DCAF6: variants seen among roughly 807,000 people sequenced by gnomAD.
DCAF6 encodes the protein DDB1 and CUL4 associated factor 6.
In DCAF6, 54 loss-of-function variants were observed where a neutral mutation model predicts 125.1. The ratio of observed to expected loss-of-function variants is 0.43; its 90% CI spans 0.35 to 0.54. The LOEUF is 0.54. DCAF6 is among the 20% of genes least tolerant of loss of function. The pLI is 0.01. For synonymous variants in DCAF6, 371 were observed against 390.4 expected (o/e 0.95, Z 0.58); for missense variants, 934 against 1,161.7 (o/e 0.80, Z 2.85).
chr1:168,026,785 T>C lies in DCAF6; in HGVS notation c.1609+3738T>C, dbSNP rs1323157877. On this transcript the variant is annotated intron_variant, in intron 12 of 21. Coordinates refer to ENST00000367840, the MANE Select transcript of DCAF6 (RefSeq NM_001198956.2). ...GAGATCTCATAGATGGTTGGATGGC[T>C]ATATGATGCTGGAAGTCACCAAAGT... Among the ~76,000 whole-genome samples the C allele has an allele frequency of 5.9e-5, 9 of 152,062 alleles. No homozygotes were observed. The South Asian group carries it at 1.7e-3, about 28-fold the overall frequency.
chr1:168,009,345 CCCTT>C (rs199573600), intron 10 of DCAF6, among the ~76,000 whole-genome samples: 48,423 of 127,096 alleles, frequency 0.38, 9,750 homozygotes, highest in East Asian at 0.53. Context: ...CTTCCTTCCT[CCCTT>C]CCTTCCTTCC....
rs191377675 is a variant in DCAF6, at chr1:167,938,738, A to G, written c.97+1730A>G. On this transcript the variant is annotated intron_variant, in intron 1 of 21. Transcript: ENST00000367840. Reference sequence around the variant, plus strand: ...TCAGTTGGACAGTTTAAGTACTTGTATATAGTTCTATATTTTAGTGTTTTC... The same window carrying G: ...TCAGTTGGACAGTTTAAGTACTTGTGTATAGTTCTATATTTTAGTGTTTTC... Among the ~76,000 whole-genome samples the G allele has an allele frequency of 2.0e-5, 3 of 152,340 alleles. No homozygotes were observed. The East Asian group carries it at 5.8e-4, about 29-fold the overall frequency.
the DCAF6 span, chr1:167,899,717 G>A: frequency 7.0e-5 from 87 of 1,234,534 alleles, no homozygotes; most frequent in East Asian, 2.1e-3. Flanking sequence ...TAATCTTGGT[G>A]GGACTATACT....
chr1:168,018,528 C>A (rs1021176004), intron 11 of DCAF6, among the ~76,000 whole-genome samples: 1 of 152,106 alleles, frequency 6.6e-6, no homozygotes, highest in African/African-American at 2.4e-5. Context: ...TCCTCTGCTC[C>A]CTGAAGCCCA....
chr1:167,875,642 C>G, the DCAF6 span, among the ~76,000 whole-genome samples: 1 of 152,166 alleles, frequency 6.6e-6, no homozygotes, highest in Non-Finnish European at 1.5e-5. Flanking sequence ...TTAATCCTGA[C>G]AAAAACACTG....
chr1:167,903,671 A>T, the DCAF6 span, among the ~76,000 whole-genome samples: 1 of 152,130 alleles, frequency 6.6e-6, no homozygotes, highest in East Asian at 1.9e-4. Flanking sequence ...AACACAAAAC[A>T]TCCCTTCCCT....
chr1:167,947,745 T>G (rs1557877637), intron 1 of DCAF6, among the ~76,000 whole-genome samples: 1 of 152,222 alleles, frequency 6.6e-6, no homozygotes, highest in Non-Finnish European at 1.5e-5. Context: ...TGATGTGATT[T>G]CAGTTTTAAA....
At chr1:168,056,957 T>C (rs909061005) in intron 17 of DCAF6, among the ~76,000 whole-genome samples, 1 of 152,218 alleles carries the variant, frequency 6.6e-6, no homozygotes, top group Non-Finnish European at 1.5e-5. Context: ...TATTCAAAAT[T>C]CGCCAGCTAT....
At chr1:168,009,448 T>G (rs61807032) in intron 10 of DCAF6, among the ~76,000 whole-genome samples, 70 of 87,508 alleles carry the variant, frequency 8.0e-4, no homozygotes, top group Non-Finnish European at 7.6e-4. Context: ...CTTTCTTTCT[T>G]TCTGTCTCTC....
intron 10 of DCAF6, 46 bp downstream of exon 10, chr1:168,004,839 A>C (rs772370904): frequency 1.3e-6 from 2 of 1,580,184 alleles, no homozygotes; most frequent in East Asian, 4.5e-5. Flanking sequence ...TTTGATAGTG[A>C]AAATTTCTTT....
chr1:167,950,173 CAA>C (rs10668446), intron 1 of DCAF6, among the ~76,000 whole-genome samples: 1 of 151,790 alleles, frequency 6.6e-6, no homozygotes, highest in Non-Finnish European at 1.5e-5. Flanking sequence ...AAAATTTTGA[CAA>C]AGTTTCCAAT....
intron 4 of DCAF6, among the ~76,000 whole-genome samples, chr1:167,978,669 G>C (rs937056483): frequency 3.9e-5 from 6 of 151,998 alleles, no homozygotes; most frequent in Non-Finnish European, 8.8e-5. Flanking sequence ...TCCTAGTGGT[G>C]GGGGAGGGTG....
chr1:167,920,941 C>T, the DCAF6 span, among the ~76,000 whole-genome samples: 2 of 151,784 alleles, frequency 1.3e-5, no homozygotes, highest in African/African-American at 4.8e-5. Flanking sequence ...TTTTTTTGGT[C>T]TACCTATTTC....
upstream of DCAF6, chr1:167,936,546 C>A (rs1186441042): frequency 7.2e-6 from 2 of 276,184 alleles, no homozygotes; most frequent in Non-Finnish European, 7.0e-6. Flanking sequence ...CCTCAGTCCC[C>A]AGGGTGGTCG....
At chr1:168,023,351 A>G (rs1475399793) in intron 12 of DCAF6, 6 of 446,734 alleles carry the variant, frequency 1.3e-5, no homozygotes, top group Middle Eastern at 1.2e-3. Context: ...TATCTGTCAT[A>G]AAATTGTGTA....
chr1:167,934,564 T>C (rs1474331907), upstream of DCAF6, among the ~76,000 whole-genome samples: 2 of 152,238 alleles, frequency 1.3e-5, no homozygotes, highest in Non-Finnish European at 2.9e-5. Context: ...TATTAAGGGT[T>C]AGAGTATAAT....
chr1:167,959,657 G>A (rs550186665), intron 2 of DCAF6, among the ~76,000 whole-genome samples: 151 of 152,224 alleles, frequency 9.9e-4, no homozygotes, highest in Middle Eastern at 6.8e-3. Flanking sequence ...TCATATGCTC[G>A]TTTGCAATCT....
At chr1:168,057,588 C>T (rs1318342682) in intron 17 of DCAF6, among the ~76,000 whole-genome samples, 1 of 152,098 alleles carries the variant, frequency 6.6e-6, no homozygotes, top group Non-Finnish European at 1.5e-5. Flanking sequence ...TTTGTTACTT[C>T]AATAAACCTG....
At chr1:167,910,492 C>T in the DCAF6 span, among the ~76,000 whole-genome samples, 3 of 152,082 alleles carry the variant, frequency 2.0e-5, no homozygotes, top group Non-Finnish European at 4.4e-5. Flanking sequence ...AAGTGGGGGA[C>T]ATGGGTGTGT....
Sources: gnomAD v4.1 joint callset for allele counts (sites outside exome capture counted in the v4.1 genomes callset) on GRCh38, gnomAD v4.1.1 for gene constraint, MANE v1.5 for transcripts, NCBI Gene and HGNC (gene_info 2026-07-23, HGNC 2026-07-21) for gene names.